The following SLC6A15 variants were observed in gnomAD, a reference collection of about 807,000 sequenced individuals.
The protein encoded by SLC6A15 is solute carrier family 6 member 15.
SLC6A15 carries 33 observed loss-of-function variants against 68.5 expected under a neutral mutation model. The ratio of observed to expected loss-of-function variants is 0.48; its 90% CI spans 0.37 to 0.64. The LOEUF is 0.64. SLC6A15 is among the 30% of genes least tolerant of loss of function. The pLI, the probability that SLC6A15 is intolerant of heterozygous loss-of-function variation, is 0.00. For missense variants in SLC6A15, 747 were observed against 874.3 expected, an observed-to-expected ratio of 0.85 and a Z score of 1.84; for synonymous variants, 347 against 301.0, an observed-to-expected ratio of 1.15 and a Z score of -1.58.
At position 84,872,669 on chromosome 12, in the gene SLC6A15, T is replaced by C. The variant is rs776613455; in HGVS notation, c.1235A>G (p.Lys412Arg). 8.1e-6 allele frequency: 13 copies of C among 1,612,320 alleles called. No individual in the cohort carries two copies. Among genetic ancestry groups the C allele is most frequent in the Non-Finnish European group, 1.1e-5 (13 of 1,179,616 alleles). ...DYHLVYDIIQ[K>R]VKEEEFPALH... Reference sequence around the variant, plus strand: ...AGCAGGAAACTCTTCTTCTTTCACTTTTTGAATGATGTCATAAACTAAATG... The same window carrying C: ...AGCAGGAAACTCTTCTTCTTTCACTCTTTGAATGATGTCATAAACTAAATG... The change falls in exon 8 of 12, where the codon AAA becomes AGA. Residue 412 changes from lysine (K) to arginine (R), a missense_variant. Lys to Arg is a conservative substitution (Grantham distance 26). Transcript: ENST00000266682.
intron 1 of SLC6A15, among the ~76,000 whole-genome samples, chr12:84,893,684 A>G (rs1004771182): frequency 1.3e-5 from 2 of 152,228 alleles, no homozygotes; most frequent in Admixed American, 6.5e-5. Context: ...AACAGCTATC[A>G]TATTTCAATC....
chr12:84,892,844 G>C (rs1463267), intron 1 of SLC6A15, among the ~76,000 whole-genome samples: 4,055 of 152,158 alleles, frequency 0.027, 195 homozygotes, highest in African/African-American at 0.093. Context: ...ACCCAGGCTG[G>C]AGTGCTGTGG....
chr12:84,888,574 G>T (rs1872228239), intron 2 of SLC6A15, among the ~76,000 whole-genome samples: 1 of 152,034 alleles, frequency 6.6e-6, no homozygotes, highest in Non-Finnish European at 1.5e-5. Flanking sequence ...GTATGCAAAG[G>T]CATACAGTAT....
In SLC6A15 at chr12:84,870,572, C is replaced by G. The variant is rs770590179; in HGVS notation, c.1401G>C (p.Leu467=). 3.1e-6 allele frequency: 5 copies of G among 1,612,632 alleles called. No individual in the cohort carries two copies. The Admixed American group carries it at 8.4e-5, about 27-fold the overall frequency. The part of the protein sequence containing the change: ...PFWSVMFFLM[L]VNLGLGSMFG... The stretch of plus-strand genomic sequence containing the variant: ...ACATACTGCCAAGGCCTAGATTGAC[C>G]AGCATGAGGAAAAACATCACTGACC... Residue 467 remains leucine, a synonymous_variant, in exon 9 of 12, where the codon CTG becomes CTC. Coordinates refer to ENST00000266682, the MANE Select transcript of SLC6A15 (RefSeq NM_182767.6).
intron 5 of SLC6A15, chr12:84,881,774 A>G: frequency 3.3e-6 from 3 of 902,068 alleles, no homozygotes; most frequent in Non-Finnish European, 2.7e-6. Context: ...TCTGTTTAGT[A>G]GGTAAACACA....
intron 1 of SLC6A15, 41 bp from the exon 2 acceptor site, chr12:84,892,349 G>A (rs1389535006): frequency 2.6e-6 from 1 of 386,162 alleles, no homozygotes; most frequent in Non-Finnish European, 4.6e-6. Context: ...ATTTAATGAT[G>A]AAAAAATTTA....
At chr12:84,879,973 GA>G (rs571634982) in intron 5 of SLC6A15, among the ~76,000 whole-genome samples, 211 of 152,158 alleles carry the variant, frequency 1.4e-3, no homozygotes, top group African/African-American at 5.0e-3. Context: ...GCAGTATTTT[GA>G]AAATTATATT....
chr12:84,901,096 T>C (rs1872857305), intron 1 of SLC6A15, among the ~76,000 whole-genome samples: 1 of 150,776 alleles, frequency 6.6e-6, no homozygotes, highest in Non-Finnish European at 1.5e-5. Flanking sequence ...ATATATAATG[T>C]ATTTTGCTTC....
rs769203246 is a variant in SLC6A15 at position 84,867,158 on chromosome 12, T to A, written c.1531A>T (p.Ile511Leu). Residue 511 changes from isoleucine (I) to leucine (L), a missense_variant, in exon 10 of 12, where the codon ATA becomes TTA. Ile to Leu is a conservative substitution (Grantham distance 5). Transcript: ENST00000266682. ...TAATTTCCAGAGCGTTGCACAAATA[T>A]CAGGCCAATACAAAATGCCAGAAGA... ...CCLLAFCIGL[I>L]FVQRSGNYFV... 1.2e-6 allele frequency: 2 copies of A among 1,610,184 alleles called. No individual in the cohort carries two copies. Among genetic ancestry groups the A allele is most frequent in the Admixed American group, 3.4e-5 (2 of 59,584 alleles).
intron 1 of SLC6A15, among the ~76,000 whole-genome samples, chr12:84,899,943 G>A (rs1016308744): frequency 2.6e-5 from 4 of 151,932 alleles, no homozygotes; most frequent in Non-Finnish European, 4.4e-5. Context: ...TCTTTTTCAA[G>A]ATTGTTTCAC....
chr12:84,872,857 GAC>G (rs1871350040), intron 7 of SLC6A15, 63 bp from the exon 8 acceptor site: 1 of 1,338,516 alleles, frequency 7.5e-7, no homozygotes, highest in Non-Finnish European at 1.0e-6. Flanking sequence ...GTTTGTGAAC[GAC>G]TATGCCATTA....
In SLC6A15 at chr12:84,879,105, T is replaced by C. The variant is rs115311187; in HGVS notation, c.757-2498A>G. On this transcript the variant is annotated intron_variant, in intron 5 of 11. Transcript: ENST00000266682. ...CATCAGTCAACTTGCATATCATCCTTCGTCTTCCACAAGCTGCACAAGTTG... is the reference window on the plus strand; with the variant it reads ...CATCAGTCAACTTGCATATCATCCTCCGTCTTCCACAAGCTGCACAAGTTG... Among the ~76,000 whole-genome samples, 360 of 151,972 alleles carry C rather than the reference T, an allele frequency of 2.4e-3. 3 individuals carry two copies. Among genetic ancestry groups the C allele is most frequent in the African/African-American group, 8.1e-3 (335 of 41,510 alleles).
chr12:84,908,975 A>G lies in SLC6A15; in HGVS notation c.-189+3548T>C, dbSNP rs1418358314. On this transcript the variant is annotated intron_variant, in intron 1 of 11. Coordinates refer to ENST00000266682, the MANE Select transcript of SLC6A15 (RefSeq NM_182767.6). The stretch of plus-strand genomic sequence containing the variant: ...TTTAGATCATCACTGATAATTTGCT[A>G]CTACAATGTTCCAACAAATTATTTT... 2.0e-5 allele frequency among the ~76,000 whole-genome samples: 3 copies of G among 152,118 alleles called. No homozygotes were observed. The East Asian group carries it at 5.8e-4, about 29-fold the overall frequency.
At chr12:84,864,285 T>C (rs1870977163) in intron 10 of SLC6A15, among the ~76,000 whole-genome samples, 1 of 151,474 alleles carries the variant, frequency 6.6e-6, no homozygotes, top group Non-Finnish European at 1.5e-5. Context: ...CTAATTGTTA[T>C]GAATTGTTAT....
intron 6 of SLC6A15, among the ~76,000 whole-genome samples, chr12:84,874,819 C>T (rs1054812904): frequency 1.3e-5 from 2 of 152,160 alleles, no homozygotes; most frequent in Non-Finnish European, 2.9e-5. Flanking sequence ...CTCACTGTTT[C>T]ACAAGTATTT....
Position 84,876,509 on chromosome 12 carries a change from CAT to C in SLC6A15, c.853_854del (p.Met285ValfsTer4), listed in dbSNP as rs754849108. Reference sequence around the variant, plus strand: ...ATATGGTACATACCTTAGGGGTAAACATGTGGCGAATGCCATCAATTGAACCA... The same window carrying C: ...ATATGGTACATACCTTAGGGGTAAACGTGGCGAATGCCATCAATTGAACCA... ...LNGSIDGIRH[M>X]FTPKLEIMLE... On this transcript the variant is annotated frameshift_variant, in exon 6 of 12. Coordinates refer to ENST00000266682, the MANE Select transcript of SLC6A15 (RefSeq NM_182767.6). LOFTEE classifies it high-confidence loss of function. The C allele has an allele frequency of 6.4e-7, 1 of 1,572,180 alleles. No homozygotes were observed. Among genetic ancestry groups the C allele is most frequent in the South Asian group, 1.2e-5 (1 of 86,124 alleles).
intron 2 of SLC6A15, among the ~76,000 whole-genome samples, chr12:84,890,511 T>C (rs1183054613): frequency 6.6e-6 from 1 of 152,196 alleles, no homozygotes; most frequent in Admixed American, 6.5e-5. Context: ...ATTTAATAAA[T>C]AATTCATGTG....
intron 1 of SLC6A15, among the ~76,000 whole-genome samples, chr12:84,904,564 C>A (rs1032938692): frequency 6.6e-6 from 1 of 152,262 alleles, no homozygotes; most frequent in East Asian, 1.9e-4. Context: ...AACCTGTTCA[C>A]AATGTGGCTA....
chr12:84,895,467 G>T (rs1218543092), intron 1 of SLC6A15, among the ~76,000 whole-genome samples: 2 of 143,712 alleles, frequency 1.4e-5, no homozygotes, highest in African/African-American at 5.2e-5. Context: ...CTCTGCCTCA[G>T]CCTCTTGGGT....
Sources: allele counts gnomAD v4.1 joint callset (sites outside exome capture counted in the v4.1 genomes callset), GRCh38; gene constraint gnomAD v4.1.1; transcripts MANE v1.5; gene names NCBI Gene and HGNC (gene_info 2026-07-23, HGNC 2026-07-21).